SERINC3: variants seen among roughly 807,000 people sequenced by gnomAD.
SERINC3 encodes the protein serine incorporator 3.
Under a neutral mutation model 52.1 loss-of-function variants are expected in SERINC3, and 22 were observed. That is an observed-to-expected ratio of 0.42 (90% confidence interval 0.30 to 0.60). The LOEUF (loss-of-function observed/expected upper bound fraction) is 0.60. Ranked by LOEUF, SERINC3 falls within the 20% of genes least tolerant of loss-of-function variation. The probability of loss-of-function intolerance (pLI) is 0.16; values close to 1 mark genes in which losing one functional copy is unlikely to be tolerated. For missense variants in SERINC3, 564 were observed against 584.6 expected (o/e 0.96, Z 0.36); for synonymous variants, 226 against 212.7 (o/e 1.06, Z -0.54).
In SERINC3 at chr20:44,503,843, C is replaced by A; in HGVS notation, c.1027G>T (p.Val343Phe). 2 of 1,580,790 alleles carry A rather than the reference C, an allele frequency of 1.3e-6. 1 individual carries two copies. Among genetic ancestry groups the A allele is most frequent in the East Asian group, 4.7e-5 (2 of 42,586 alleles). ...LDSDNFIGLF[V>F]FVLCLLYSSI... The stretch of plus-strand genomic sequence containing the variant: ...GAATACAAGAGGCAGAGAACAAAGA[C>A]AAACAGTCCAATAAAATTATCTGAA... The change falls in exon 8 of 10, where the codon GTC becomes TTC. Residue 343 changes from valine to phenylalanine, a missense_variant. Coordinates refer to ENST00000342374, the MANE Select transcript of SERINC3 (RefSeq NM_006811.4).
At position 44,498,979 on chromosome 20, in the gene SERINC3, C is replaced by A. The variant is rs561207139; in HGVS notation, c.*1317G>T. 5 of 152,294 alleles carry A rather than the reference C, an allele frequency of 3.3e-5. No individual in the cohort carries two copies. The highest frequency in any genetic ancestry group is 2.1e-4 in the South Asian group (1 of 4,828). 9.4% of individuals were successfully genotyped at this position (152,294 alleles called of 1,614,324 possible). A position where few individuals can be genotyped will look rare whatever the true frequency, so the allele number is the denominator to read the frequency against. ...CTCTCTTAGCTAACTTCTAAGAGTT[C>A]TTGGCTTAAATATCATTTTCTCCAG... is the stretch of plus-strand genomic sequence containing the variant. On this transcript the variant is annotated 3_prime_UTR_variant, in exon 10 of 10. Coordinates refer to ENST00000342374, the MANE Select transcript of SERINC3 (RefSeq NM_006811.4).
At chr20:44,518,017 T>C (rs1191059632) in intron 1 of SERINC3, among the ~76,000 whole-genome samples, 2 of 152,156 alleles carry the variant, frequency 1.3e-5, no homozygotes, top group Non-Finnish European at 2.9e-5. Context: ...ATCCAATCTG[T>C]CAGTACATCA....
At position 44,504,795 on chromosome 20, in the gene SERINC3, C is replaced by A; in HGVS notation, c.874+6G>T. Reference sequence around the variant, plus strand: ...TCAAATGAATGTGTTATTGACATTCCCTTACCAGGTTCATTGGACATGGCT... The same window carrying A: ...TCAAATGAATGTGTTATTGACATTCACTTACCAGGTTCATTGGACATGGCT... On this transcript the variant is annotated splice_donor_region_variant and intron_variant, in intron 7 of 9. Transcript: ENST00000342374. 6.3e-7 allele frequency: 1 copy of A among 1,598,198 alleles called. No homozygotes were observed. Among genetic ancestry groups the A allele is most frequent in the Non-Finnish European group, 8.6e-7 (1 of 1,167,336 alleles).
In SERINC3 at chr20:44,506,873, A is replaced by T; in HGVS notation, c.737T>A (p.Ile246Asn). The change falls in exon 6 of 10, where the codon ATC (isoleucine) becomes AAC (asparagine). Residue 246 changes from isoleucine to asparagine, a missense_variant. Transcript: ENST00000342374. ...TATAATAGAAGCCACAACGCAAAGG[A>T]TCAGGTTAATACTGATGAAGAACTT... is the stretch of plus-strand genomic sequence containing the variant. ...ENKFFISINL[I>N]LCVVASIISI... 1.9e-6 allele frequency: 3 copies of T among 1,607,820 alleles called. No individual in the cohort carries two copies. Among genetic ancestry groups the T allele is most frequent in the South Asian group, 1.1e-5 (1 of 89,570 alleles).
At chr20:44,511,396 A>G (rs1223399743) in intron 3 of SERINC3, 28 bp from the exon 4 acceptor site, 2 of 1,463,054 alleles carry the variant, frequency 1.4e-6, no homozygotes, top group South Asian at 2.3e-5. Context: ...TGCATTTATG[A>G]AATGCTAAGT....
chr20:44,508,330 G>A (rs148570090), intron 5 of SERINC3, among the ~76,000 whole-genome samples: 109 of 151,902 alleles, frequency 7.2e-4, no homozygotes, highest in Admixed American at 1.6e-3. Context: ...AAAATTAGCC[G>A]GTCGTGGTGG....
At chr20:44,500,769 G>T (rs964621436) in intron 9 of SERINC3, among the ~76,000 whole-genome samples, 12 of 152,124 alleles carry the variant, frequency 7.9e-5, no homozygotes, top group African/African-American at 2.7e-4. Flanking sequence ...CATTATTACG[G>T]GAACCAGAAT....
At chr20:44,513,848 C>A (rs751066444) in intron 2 of SERINC3, 31 bp downstream of exon 2, 9 of 1,490,756 alleles carry the variant, frequency 6.0e-6, no homozygotes, top group Admixed American at 2.3e-5. Flanking sequence ...ATAAAAATAA[C>A]CAATACCTTA....
At chr20:44,520,102 G>A (rs1315427660) in intron 1 of SERINC3, among the ~76,000 whole-genome samples, 1 of 152,204 alleles carries the variant, frequency 6.6e-6, no homozygotes, top group Non-Finnish European at 1.5e-5. Flanking sequence ...AATGAAGCCT[G>A]CATAAAAGCT....
chr20:44,521,792 C>CT, intron 1 of SERINC3, 121 bp downstream of exon 1: 2 of 1,032,354 alleles, frequency 1.9e-6, no homozygotes, highest in Admixed American at 4.2e-5. Context: ...CGGAGACCCT[C>CT]TGTAGCCCAG....
intron 6 of SERINC3, 91 bp from the exon 7 acceptor site, chr20:44,504,982 T>C: frequency 1.1e-6 from 1 of 879,998 alleles, no homozygotes; most frequent in Non-Finnish European, 1.8e-6. Flanking sequence ...AATTCAACTA[T>C]CAGTAACTGA....
At position 44,521,983 on chromosome 20, in the gene SERINC3, G is replaced by A. The variant is rs1200669227; in HGVS notation, c.-32C>T. The stretch of plus-strand genomic sequence containing the variant: ...GCCAGTGATGGAGGTGGCCGGTCCT[G>A]AGGCTGCTTTCTAACACGGTGGTAA... On this transcript the variant is annotated 5_prime_UTR_variant, in exon 1 of 10. Coordinates refer to ENST00000342374, the MANE Select transcript of SERINC3 (RefSeq NM_006811.4). The A allele has an allele frequency of 3.1e-6, 5 of 1,598,030 alleles. No individual in the cohort carries two copies. Among genetic ancestry groups the A allele is most frequent in the South Asian group, 2.3e-5 (2 of 88,444 alleles).
intron 1 of SERINC3, among the ~76,000 whole-genome samples, chr20:44,517,296 CA>C (rs1418432997): frequency 6.6e-6 from 1 of 152,160 alleles, no homozygotes; most frequent in African/African-American, 2.4e-5. Flanking sequence ...TCTCAGTCTC[CA>C]ATTCTTAACT....
In SERINC3 at chr20:44,498,521, A is replaced by T. The variant is rs1461543875; in HGVS notation, c.*1775T>A. The stretch of plus-strand genomic sequence containing the variant: ...AACCCGGGAGGCGGAGCCTGCAGTG[A>T]GCGGAGATCGCACCATTGCACTCCA... On this transcript the variant is annotated 3_prime_UTR_variant, in exon 10 of 10. Coordinates refer to ENST00000342374, the MANE Select transcript of SERINC3 (RefSeq NM_006811.4). 3 of 152,058 alleles carry T rather than the reference A, an allele frequency of 2.0e-5. No homozygotes were observed. The highest frequency in any genetic ancestry group is 7.2e-5 in the African/African-American group (3 of 41,380). The allele number at this position is 152,058 out of a possible 1,614,324, so 9.4% of individuals were successfully genotyped here.
At chr20:44,511,203 T>G in intron 4 of SERINC3, 86 bp downstream of exon 4, 1 of 982,414 alleles carries the variant, frequency 1.0e-6, no homozygotes, top group Non-Finnish European at 1.6e-6. Flanking sequence ...TGTGAGCCAC[T>G]GCACCCGGCC....
At chr20:44,515,143 C>T (rs1261044942) in intron 1 of SERINC3, among the ~76,000 whole-genome samples, 1 of 152,158 alleles carries the variant, frequency 6.6e-6, no homozygotes, top group Non-Finnish European at 1.5e-5. Context: ...CACCTGAGGT[C>T]AGGAGTTCAA....
intron 1 of SERINC3, among the ~76,000 whole-genome samples, chr20:44,517,693 T>A (rs1454144068): frequency 6.6e-6 from 1 of 152,136 alleles, no homozygotes; most frequent in Non-Finnish European, 1.5e-5. Context: ...CCTCTAGAAT[T>A]CAGAGATAAG....
In SERINC3 at chr20:44,503,797, A is replaced by G; in HGVS notation, c.1055+18T>C. On this transcript the variant is annotated intron_variant, in intron 8 of 9. Coordinates refer to ENST00000342374, the MANE Select transcript of SERINC3 (RefSeq NM_006811.4). ...TCAACCTCCATGAAAATCTTGTTCT[A>G]AGTACCTTTTAACTTACCTAGAATA... The G allele has an allele frequency of 1.3e-6, 2 of 1,506,548 alleles. No homozygotes were observed. Among genetic ancestry groups the G allele is most frequent in the Middle Eastern group, 1.9e-4 (1 of 5,142 alleles). The allele number at this position is 1,506,548 out of a possible 1,614,324, so 93.3% of individuals were successfully genotyped here.
rs967873142 is a variant in SERINC3, at chr20:44,497,938, A to G, written c.*2358T>C. 2.6e-5 allele frequency: 4 copies of G among 152,238 alleles called. No individual in the cohort carries two copies. The highest frequency in any genetic ancestry group is 9.6e-5 in the African/African-American group (4 of 41,462). 9.4% of individuals were successfully genotyped at this position (152,238 alleles called of 1,614,324 possible). A position where few individuals can be genotyped will look rare whatever the true frequency, so the allele number is the denominator to read the frequency against. On this transcript the variant is annotated 3_prime_UTR_variant, in exon 10 of 10. Coordinates refer to ENST00000342374, the MANE Select transcript of SERINC3 (RefSeq NM_006811.4). ...GCTATGTCAGTGCTAAAAATGGGTTACACTTTGCAAAATAACTTTATTCTT... is the reference window on the plus strand; with the variant it reads ...GCTATGTCAGTGCTAAAAATGGGTTGCACTTTGCAAAATAACTTTATTCTT...
Sources: gnomAD v4.1 joint callset for allele counts (sites outside exome capture counted in the v4.1 genomes callset) on GRCh38, gnomAD v4.1.1 for gene constraint, MANE v1.5 for transcripts, NCBI Gene and HGNC (gene_info 2026-07-23, HGNC 2026-07-21) for gene names.